PLCZ1: variants seen among roughly 807,000 people sequenced by gnomAD.
The protein encoded by PLCZ1 is 1-phosphatidylinositol 4,5-bisphosphate phosphodiesterase zeta-1.
A neutral mutation model predicts 76.8 loss-of-function variants in PLCZ1; 64 were observed. The ratio of observed to expected loss-of-function variants is 0.83; its 90% CI spans 0.68 to 1.03. PLCZ1 has a LOEUF of 1.03. Among genes scored for constraint, PLCZ1 ranks in the 50% least tolerant of loss-of-function variants. PLCZ1 has a pLI of 0.00. For missense variants in PLCZ1, 751 were observed against 713.7 expected (o/e 1.05, Z -0.60); for synonymous variants, 248 against 230.8 (o/e 1.07, Z -0.68).
At chr12:18,646,986 A>G in the PLCZ1 span, among the ~76,000 whole-genome samples, 5 of 152,140 alleles carry the variant, frequency 3.3e-5, no homozygotes, top group Admixed American at 3.3e-4. Context: ...ATTCTGAATA[A>G]GTGATTATAT....
At chr12:18,683,911 T>C (rs1247142199) in intron 14 of PLCZ1, among the ~76,000 whole-genome samples, 1 of 151,944 alleles carries the variant, frequency 6.6e-6, no homozygotes, top group Non-Finnish European at 1.5e-5. Context: ...CATGCCAAGT[T>C]TGTCTAATTA....
At chr12:18,713,213 G>C (rs1158642680) in intron 5 of PLCZ1, among the ~76,000 whole-genome samples, 1 of 151,996 alleles carries the variant, frequency 6.6e-6, no homozygotes, top group African/African-American at 2.4e-5. Flanking sequence ...TTTCTCGCTA[G>C]TCAAATGTTT....
intron 4 of PLCZ1, 85 bp downstream of exon 4, chr12:18,723,226 A>G: frequency 8.2e-7 from 1 of 1,216,206 alleles, no homozygotes. Context: ...ATTCATAAAA[A>G]TACTTTGCTT....
the PLCZ1 span, among the ~76,000 whole-genome samples, chr12:18,665,934 C>CAAAA: frequency 7.8e-6 from 1 of 128,462 alleles, no homozygotes; most frequent in Non-Finnish European, 1.6e-5. Context: ...GACTCCATCT[C>CAAAA]AAAAAAAAAA....
intron 13 of PLCZ1, among the ~76,000 whole-genome samples, chr12:18,687,474 A>T (rs938874487): frequency 2.0e-5 from 3 of 152,136 alleles, no homozygotes; most frequent in African/African-American, 4.8e-5. Context: ...TAATTTCCTT[A>T]GTCATTTCAA....
chr12:18,675,995 C>T, the PLCZ1 span, among the ~76,000 whole-genome samples: 2 of 147,842 alleles, frequency 1.4e-5, no homozygotes, highest in African/African-American at 4.9e-5. Flanking sequence ...TGAACATATA[C>T]CTTCTGAATC....
intron 3 of PLCZ1, among the ~76,000 whole-genome samples, chr12:18,729,326 G>A (rs979138880): frequency 2.0e-5 from 3 of 151,632 alleles, no homozygotes; most frequent in Admixed American, 1.3e-4. Context: ...TTCCATCATG[G>A]CATCTTCTAT....
chr12:18,664,039 C>A, the PLCZ1 span, among the ~76,000 whole-genome samples: 1 of 152,096 alleles, frequency 6.6e-6, no homozygotes, highest in African/African-American at 2.4e-5. Flanking sequence ...ATCAAAACTA[C>A]AATGATATAA....
chr12:18,712,565 C>G (rs1189234945), intron 6 of PLCZ1, among the ~76,000 whole-genome samples: 1 of 152,068 alleles, frequency 6.6e-6, no homozygotes, highest in South Asian at 2.1e-4. Flanking sequence ...TGGCCATCAT[C>G]CACAATAATA....
chr12:18,712,911 A>G lies in PLCZ1; in HGVS notation c.645T>C (p.His215=). ...DGAQNEPVVY[H]GYTLTSKLLF... ...GAAGTTTGCTTGTGAGTGTGTAGCCATGATATACAACAGGTTCATTTTGTG... is the reference window on the plus strand; with the variant it reads ...GAAGTTTGCTTGTGAGTGTGTAGCCGTGATATACAACAGGTTCATTTTGTG... The change falls in exon 6 of 15, where the codon CAT becomes CAC. Residue 215 remains histidine, a synonymous_variant. Coordinates refer to ENST00000266505, the MANE Select transcript of PLCZ1 (RefSeq NM_033123.4). 1.2e-6 allele frequency: 2 copies of G among 1,613,980 alleles called. No individual in the cohort carries two copies. Among genetic ancestry groups the G allele is most frequent in the Non-Finnish European group, 1.7e-6 (2 of 1,179,866 alleles).
the PLCZ1 span, among the ~76,000 whole-genome samples, chr12:18,650,367 GTGTGTGTGTC>G: frequency 2.9e-5 from 4 of 138,922 alleles, no homozygotes; most frequent in African/African-American, 8.6e-5. Flanking sequence ...GTGTGTGTGT[GTGTGTGTGTC>G]TGTGTGTCTG....
chr12:18,683,674 A>G, intron 14 of PLCZ1: 1 of 1,267,656 alleles, frequency 7.9e-7, no homozygotes, highest in Middle Eastern at 2.1e-4. Context: ...AATTGGGAGC[A>G]CAGTGTAAAT....
Position 18,736,255 on chromosome 12 carries a change from C to T in PLCZ1, c.101G>A (p.Arg34Gln), listed in dbSNP as rs150538125. 34 of 1,612,504 alleles carry T rather than the reference C, an allele frequency of 2.1e-5. No homozygotes were observed. The highest frequency in any genetic ancestry group is 2.5e-5 in the Non-Finnish European group (30 of 1,179,130). The change falls in exon 3 of 15, where the codon CGG (arginine) becomes CAG (glutamine). Residue 34 changes from arginine to glutamine, a missense_variant. Arg to Gln is a conservative substitution (Grantham distance 43). Transcript: ENST00000266505. ...TQRLLEKLDI[R>Q]CSYIHVKQIF... ...CTGTTTCACATGAATATAACTGCAC[C>T]GAATATCTAATTTTTCAAGTAACCT...
Position 18,696,109 on chromosome 12 carries a change from A to T in PLCZ1, c.1291+41T>A, listed in dbSNP as rs572877358. On this transcript the variant is annotated intron_variant, in intron 11 of 14. Transcript: ENST00000266505. ...TACATTCATAAAATGAATTCATTTTATGTTACTTCTGCAAACAACTCAATA... is the reference window on the plus strand; with the variant it reads ...TACATTCATAAAATGAATTCATTTTTTGTTACTTCTGCAAACAACTCAATA... The T allele has an allele frequency of 3.1e-4, 331 of 1,064,920 alleles. 7 individuals are homozygous for T. The South Asian group carries it at 4.3e-3, about 14-fold the overall frequency. The allele number at this position is 1,064,920 out of a possible 1,614,324, so 66.0% of individuals were successfully genotyped here. A position where few individuals can be genotyped will look rare whatever the true frequency, so the allele number is the denominator to read the frequency against.
At chr12:18,650,625 A>C in the PLCZ1 span, among the ~76,000 whole-genome samples, 8 of 144,370 alleles carry the variant, frequency 5.5e-5, no homozygotes, top group African/African-American at 2.0e-4. Context: ...CTCACTTGAA[A>C]TACACGAAAT....
Position 18,719,481 on chromosome 12 carries a change from A to G in PLCZ1, c.519T>C (p.Tyr173=). ...GTCCCAATAATTGATCAGATACCAA[A>G]TATGTGTTATGTGAAGATGAAATAA... ...DYFISSSHNT[Y]LVSDQLLGPS... The change falls in exon 5 of 15, where the codon TAT becomes TAC. Residue 173 remains tyrosine (Y), a synonymous_variant. Coordinates refer to ENST00000266505, the MANE Select transcript of PLCZ1 (RefSeq NM_033123.4). The G allele has an allele frequency of 6.3e-7, 1 of 1,581,128 alleles. No individual in the cohort carries two copies. Among genetic ancestry groups the G allele is most frequent in the Non-Finnish European group, 8.6e-7 (1 of 1,160,536 alleles).
At chr12:18,675,499 C>G in the PLCZ1 span, among the ~76,000 whole-genome samples, 1 of 152,160 alleles carries the variant, frequency 6.6e-6, no homozygotes, top group African/African-American at 2.4e-5. Flanking sequence ...AACCATTCAA[C>G]TCTGCAATTC....
the PLCZ1 span, among the ~76,000 whole-genome samples, chr12:18,660,775 A>C: frequency 6.6e-6 from 1 of 152,148 alleles, no homozygotes; most frequent in Non-Finnish European, 1.5e-5. Flanking sequence ...GGCATCCAAC[A>C]AACAGGAAAG....
chr12:18,656,266 CA>C, the PLCZ1 span, among the ~76,000 whole-genome samples: 1 of 151,908 alleles, frequency 6.6e-6, no homozygotes, highest in South Asian at 2.1e-4. Flanking sequence ...CTGTCTATAC[CA>C]AAAAAGCATT....
Sources: allele counts gnomAD v4.1 joint callset (sites outside exome capture counted in the v4.1 genomes callset), GRCh38; gene constraint gnomAD v4.1.1; transcripts MANE v1.5; gene names NCBI Gene and HGNC (gene_info 2026-07-23, HGNC 2026-07-21).